PKP2: variants seen among roughly 807,000 people sequenced by gnomAD.
The protein encoded by PKP2 is plakophilin 2, also known as plakophilin-2.
In PKP2, 73 loss-of-function variants were observed where a neutral mutation model predicts 83.4. The ratio of observed to expected loss-of-function variants is 0.88; its 90% CI spans 0.72 to 1.06. The LOEUF (loss-of-function observed/expected upper bound fraction) is 1.06. Among genes scored for constraint, PKP2 ranks in the 50% least tolerant of loss-of-function variants. The pLI is 0.00. For missense variants in PKP2, 966 were observed against 1,065.4 expected (o/e 0.91, Z 1.30); for synonymous variants, 409 against 430.4 (o/e 0.95, Z 0.62).
At chr12:32,866,851 A>G (rs1428516486) in intron 4 of PKP2, among the ~76,000 whole-genome samples, 5 of 152,210 alleles carry the variant, frequency 3.3e-5, no homozygotes, top group Non-Finnish European at 7.3e-5. Flanking sequence ...ACATGTCTAC[A>G]TGAAGACTTG....
intron 5 of PKP2, among the ~76,000 whole-genome samples, chr12:32,850,181 T>A (rs1565589960): frequency 2.0e-5 from 3 of 152,194 alleles, no homozygotes; most frequent in Non-Finnish European, 4.4e-5. Context: ...TTAAAGACAT[T>A]TAGTCAAAGG....
intron 7 of PKP2, 81 bp from the exon 8 acceptor site, chr12:32,822,712 C>T: frequency 6.7e-7 from 1 of 1,497,142 alleles, no homozygotes; most frequent in Non-Finnish European, 9.2e-7. Context: ...CAGGCTTTAG[C>T]TCTTACAAGG....
intron 1 of PKP2, among the ~76,000 whole-genome samples, chr12:32,888,664 T>C (rs1164281223): frequency 6.7e-6 from 1 of 149,294 alleles, no homozygotes; most frequent in Non-Finnish European, 1.5e-5. Flanking sequence ...TTATTTTTTC[T>C]GTACTTTTAG....
At chr12:32,854,665 AAT>A (rs1453069372) in intron 4 of PKP2, among the ~76,000 whole-genome samples, 1 of 152,202 alleles carries the variant, frequency 6.6e-6, no homozygotes, top group African/African-American at 2.4e-5. Context: ...GGAAAAAAGA[AAT>A]AGACTACCAT....
intron 1 of PKP2, among the ~76,000 whole-genome samples, chr12:32,885,385 G>A (rs1365091219): frequency 2.0e-5 from 3 of 152,190 alleles, no homozygotes; most frequent in Admixed American, 1.3e-4. Context: ...CAGGCATAGT[G>A]GCTCACGCCT....
intron 5 of PKP2, among the ~76,000 whole-genome samples, chr12:32,847,879 T>G (rs1956661465): frequency 6.6e-6 from 1 of 151,468 alleles, no homozygotes; most frequent in South Asian, 2.1e-4. Context: ...GGCAGGAGGA[T>G]CTCATGAGCC....
At chr12:32,795,392 CT>C (rs1386068813) in intron 11 of PKP2, among the ~76,000 whole-genome samples, 2 of 123,420 alleles carry the variant, frequency 1.6e-5, no homozygotes, top group African/African-American at 6.2e-5. Flanking sequence ...TTTTTTTTTT[CT>C]TTTTTGAGAC....
chr12:32,829,428 T>G (rs1391887715), intron 6 of PKP2, among the ~76,000 whole-genome samples: 1 of 151,506 alleles, frequency 6.6e-6, no homozygotes, highest in East Asian at 2.0e-4. Flanking sequence ...TGGATTTATT[T>G]TTTGTAGAGA....
At chr12:32,841,531 A>T (rs1265820004) in intron 5 of PKP2, among the ~76,000 whole-genome samples, 1 of 152,166 alleles carries the variant, frequency 6.6e-6, no homozygotes, top group Non-Finnish European at 1.5e-5. Context: ...AGCTGACCTG[A>T]CCGGGATAAT....
intron 11 of PKP2, among the ~76,000 whole-genome samples, chr12:32,794,320 G>T (rs1956101847): frequency 6.6e-6 from 1 of 152,190 alleles, no homozygotes; most frequent in Non-Finnish European, 1.5e-5. Context: ...TTATAAGTTG[G>T]TTGTTTGATA....
chr12:32,824,454 T>A, intron 6 of PKP2: 1 of 389,904 alleles, frequency 2.6e-6, no homozygotes, highest in Non-Finnish European at 4.8e-6. Flanking sequence ...TGAGTGTGGA[T>A]ATGAGGCAAA....
chr12:32,809,517 G>A (rs894889987), intron 9 of PKP2, among the ~76,000 whole-genome samples: 1 of 152,246 alleles, frequency 6.6e-6, no homozygotes, highest in Non-Finnish European at 1.5e-5. Context: ...CTTGTGAGGT[G>A]CTGTGGAAGT....
rs968014256 is a variant in PKP2, at chr12:32,879,259, G to A, written c.224-227C>T. On this transcript the variant is annotated intron_variant, in intron 1 of 12. Transcript: ENST00000340811. Reference sequence around the variant, plus strand: ...CTCTACAAAAGTTTTTCAGCTGGGTGTGGTGGCGCACGCCTCTTATCCCAG... The same window carrying A: ...CTCTACAAAAGTTTTTCAGCTGGGTATGGTGGCGCACGCCTCTTATCCCAG... 4.6e-5 allele frequency among the ~76,000 whole-genome samples: 7 copies of A among 152,258 alleles called. 1 individual carries two copies. The highest frequency in any genetic ancestry group is 1.4e-4 in the African/African-American group (6 of 41,472).
intron 1 of PKP2, 77 bp from the exon 2 acceptor site, chr12:32,879,109 G>A: frequency 1.2e-6 from 1 of 819,498 alleles, no homozygotes; most frequent in South Asian, 1.4e-5. Flanking sequence ...TAACAATGAT[G>A]TATTAAACTT....
chr12:32,879,760 G>T (rs1402155271), intron 1 of PKP2, among the ~76,000 whole-genome samples: 1 of 151,186 alleles, frequency 6.6e-6, no homozygotes, highest in African/African-American at 2.4e-5. Context: ...AACCCAGGAG[G>T]TGGAGGTTGC....
chr12:32,827,084 G>C (rs1483058574), intron 6 of PKP2, among the ~76,000 whole-genome samples: 1 of 152,202 alleles, frequency 6.6e-6, no homozygotes, highest in East Asian at 1.9e-4. Flanking sequence ...AAATCAAAAA[G>C]TCTTTCTTCC....
chr12:32,834,948 T>TA (rs1312330179), intron 6 of PKP2, among the ~76,000 whole-genome samples: 31 of 103,270 alleles, frequency 3.0e-4, no homozygotes, highest in South Asian at 6.3e-4. Flanking sequence ...CACACTAAAT[T>TA]AAAAAAAAAA....
At chr12:32,819,767 G>T (rs1294783656) in intron 9 of PKP2, among the ~76,000 whole-genome samples, 2 of 152,018 alleles carry the variant, frequency 1.3e-5, no homozygotes, top group Non-Finnish European at 2.9e-5. Context: ...CCCCTGGTCT[G>T]GATTCTGTGG....
chr12:32,822,635 A>G lies in PKP2; in HGVS notation c.1675-4T>C. 6.2e-7 allele frequency: 1 copy of G among 1,613,890 alleles called. No individual in the cohort carries two copies. Among genetic ancestry groups the G allele is most frequent in the African/African-American group, 1.3e-5 (1 of 75,056 alleles). On this transcript the variant is annotated splice_region_variant and splice_polypyrimidine_tract_variant and intron_variant, in intron 7 of 12. Transcript: ENST00000340811. ...TGCACACACAATTCTCCGTGGCCTG[A>G]GAAAACAGGACAAGAATATTGATCG...
Sources: gnomAD v4.1 joint callset for allele counts (sites outside exome capture counted in the v4.1 genomes callset) on GRCh38, gnomAD v4.1.1 for gene constraint, MANE v1.5 for transcripts, NCBI Gene and HGNC (gene_info 2026-07-23, HGNC 2026-07-21) for gene names.